Variants in SDK1 observed in about 807,000 individuals in gnomAD.
The protein encoded by SDK1 is protein sidekick-1.
A neutral mutation model predicts 245.5 loss-of-function variants in SDK1; 157 were observed. The observed-to-expected ratio is 0.64, with a 90% CI of 0.56 to 0.73. The LOEUF (loss-of-function observed/expected upper bound fraction) is 0.73. Among genes scored for constraint, SDK1 ranks in the 30% least tolerant of loss-of-function variants. The probability of loss-of-function intolerance (pLI) is 0.00; values close to 1 mark genes in which losing one functional copy is unlikely to be tolerated. For synonymous variants in SDK1, 1,647 were observed against 1,278.5 expected, an observed-to-expected ratio of 1.29 and a Z score of -6.15; for missense variants, 3,583 against 3,002.3, an observed-to-expected ratio of 1.19 and a Z score of -4.52.
rs148051748 is a variant in SDK1, at chr7:3,840,483, T to C, written c.847+18900T>C. On this transcript the variant is annotated intron_variant, in intron 5 of 44. Transcript: ENST00000404826. ...GAATTATCGGACTAAACTCACAGAG[T>C]GGTCCTTGGGCTAGTACTATCAGCA... 1.8e-4 allele frequency among the ~76,000 whole-genome samples: 28 copies of C among 152,184 alleles called. No homozygotes were observed. In the East Asian group the frequency reaches 5.2e-3, roughly 28 times the overall value.
chr7:3,658,401 C>G (rs1313913444), intron 4 of SDK1, among the ~76,000 whole-genome samples: 1 of 151,814 alleles, frequency 6.6e-6, no homozygotes, highest in African/African-American at 2.4e-5. Context: ...ATAAAAAGAT[C>G]AATACAATGA....
At chr7:3,442,537 T>C (rs992691017) in intron 1 of SDK1, among the ~76,000 whole-genome samples, 2 of 152,214 alleles carry the variant, frequency 1.3e-5, no homozygotes, top group Non-Finnish European at 2.9e-5. Flanking sequence ...AACAAGGTTG[T>C]ATTGTGGTTG....
At chr7:3,396,770 A>G (rs1404872488) in intron 1 of SDK1, among the ~76,000 whole-genome samples, 9 of 151,678 alleles carry the variant, frequency 5.9e-5, no homozygotes, top group Admixed American at 5.3e-4. Context: ...CAGACAGCAT[A>G]TGGTTGTCAA....
At chr7:3,723,563 T>C (rs947368401) in intron 4 of SDK1, among the ~76,000 whole-genome samples, 8 of 152,168 alleles carry the variant, frequency 5.3e-5, no homozygotes, top group Admixed American at 6.5e-5. Context: ...TTATGAACTT[T>C]CCATTATAAA....
chr7:4,136,750 C>A (rs1374793782), intron 28 of SDK1, among the ~76,000 whole-genome samples: 1 of 152,224 alleles, frequency 6.6e-6, no homozygotes, highest in Non-Finnish European at 1.5e-5. Flanking sequence ...CGCGGGATCC[C>A]GCCCTGCCAG....
chr7:3,452,090 G>A (rs1440728563), intron 1 of SDK1, among the ~76,000 whole-genome samples: 3 of 152,198 alleles, frequency 2.0e-5, no homozygotes, highest in Non-Finnish European at 4.4e-5. Flanking sequence ...AATTCTTTAA[G>A]GATTTCAAGG....
chr7:4,101,275 G>A (rs1782520874), intron 22 of SDK1, among the ~76,000 whole-genome samples: 1 of 151,694 alleles, frequency 6.6e-6, no homozygotes, highest in Non-Finnish European at 1.5e-5. Flanking sequence ...CTGAATAGCT[G>A]GGACTACAGG....
At chr7:4,159,414 T>G (rs746665288) in intron 31 of SDK1, among the ~76,000 whole-genome samples, 1 of 152,222 alleles carries the variant, frequency 6.6e-6, no homozygotes, top group South Asian at 2.1e-4. Flanking sequence ...GCTGTTTTGC[T>G]GCAAACCCTG....
chr7:3,768,208 A>G (rs1273963402), intron 4 of SDK1, among the ~76,000 whole-genome samples: 1 of 152,232 alleles, frequency 6.6e-6, no homozygotes, highest in African/African-American at 2.4e-5. Context: ...CGTTGAATAT[A>G]ATAGACTGCA....
chr7:3,434,473 G>A lies in SDK1; in HGVS notation c.298+132589G>A, dbSNP rs539450649. Among the ~76,000 whole-genome samples the A allele has an allele frequency of 3.9e-5, 6 of 152,284 alleles. No homozygotes were observed. In the South Asian group the frequency reaches 6.2e-4, roughly 16 times the overall value. ...GCCAACCACTTCTCTTGGAGAAGAC[G>A]GAGTGTCATAACTACAGCTAACATT... On this transcript the variant is annotated intron_variant, in intron 1 of 44. Coordinates refer to ENST00000404826, the MANE Select transcript of SDK1 (RefSeq NM_152744.4).
rs1388227250 is a variant in SDK1, at chr7:4,026,742, A to G, written c.2602+9390A>G. Among the ~76,000 whole-genome samples, 1 of 152,238 alleles carries G rather than the reference A, an allele frequency of 6.6e-6. No individual in the cohort carries two copies. The highest frequency in any genetic ancestry group is 1.5e-5 in the Non-Finnish European group (1 of 68,052). On this transcript the variant is annotated intron_variant, in intron 17 of 44. Transcript: ENST00000404826. This position sits in a 1 kb window ranked among gnomAD's most constrained non-coding sequence, Gnocchi z 4.1. Reference sequence around the variant, plus strand: ...TAATGCAGTGAGAACCTTCAGGTCTATCAAAACTGCAAGCACCATAACAAC... The same window carrying G: ...TAATGCAGTGAGAACCTTCAGGTCTGTCAAAACTGCAAGCACCATAACAAC...
chr7:4,218,937 CT>C (rs1328057983), intron 38 of SDK1, among the ~76,000 whole-genome samples: 2 of 151,776 alleles, frequency 1.3e-5, no homozygotes, highest in African/African-American at 4.8e-5. Context: ...AACCAAAGAA[CT>C]TGATTTTTCC....
intron 1 of SDK1, among the ~76,000 whole-genome samples, chr7:3,470,050 T>A (rs1781131849): frequency 6.6e-6 from 1 of 152,160 alleles, no homozygotes. Context: ...CATTTTTCCA[T>A]ATTTAACACT....
chr7:3,405,515 A>G (rs180755490), intron 1 of SDK1, among the ~76,000 whole-genome samples: 3 of 152,118 alleles, frequency 2.0e-5, no homozygotes, highest in Non-Finnish European at 2.9e-5. Context: ...AGCTCCCCCA[A>G]AATCTCTGCC....
At position 4,267,643 on chromosome 7, in the gene SDK1, A is replaced by C. The variant is rs1423400917; in HGVS notation, c.*2259A>C. ...TGCAGCCATGAGGATGTGGCTTTAC[A>C]TGCCAGGGAGAGTGTTGAGACGTCT... On this transcript the variant is annotated 3_prime_UTR_variant, in exon 45 of 45. Transcript: ENST00000404826. 2 of 985,374 alleles carry C rather than the reference A, an allele frequency of 2.0e-6. No individual in the cohort carries two copies. The highest frequency in any genetic ancestry group is 4.7e-5 in the South Asian group (1 of 21,294). The allele number at this position is 985,374 out of a possible 1,614,324, so 61.0% of individuals were successfully genotyped here. A position where few individuals can be genotyped will look rare whatever the true frequency, so the allele number is the denominator to read the frequency against.
chr7:3,557,826 G>C (rs1465719884), intron 1 of SDK1, among the ~76,000 whole-genome samples: 2 of 152,216 alleles, frequency 1.3e-5, no homozygotes, highest in East Asian at 3.9e-4. Context: ...TGACTCCAGA[G>C]ACCTTGTTCT....
intron 1 of SDK1, chr7:3,338,054 A>T: frequency 5.8e-6 from 1 of 173,250 alleles, no homozygotes; most frequent in Non-Finnish European, 1.2e-5. Context: ...CCGCGGAAAT[A>T]TTTAAGACAT....
chr7:3,335,170 C>T (rs960069457), intron 1 of SDK1, among the ~76,000 whole-genome samples: 1 of 152,170 alleles, frequency 6.6e-6, no homozygotes, highest in Non-Finnish European at 1.5e-5. Flanking sequence ...GCCAGAGTGA[C>T]ATAAACCTAA....
intron 40 of SDK1, among the ~76,000 whole-genome samples, chr7:4,230,976 C>T (rs916802520): frequency 1.3e-5 from 2 of 151,914 alleles, no homozygotes; most frequent in South Asian, 2.1e-4. Context: ...AAGAGTAGAC[C>T]GCATTTGTGG....
Sources: allele counts gnomAD v4.1 joint callset (sites outside exome capture counted in the v4.1 genomes callset), GRCh38; gene constraint gnomAD v4.1.1; non-coding constraint Gnocchi (gnomAD v3.1); transcripts MANE v1.5; gene names NCBI Gene and HGNC (gene_info 2026-07-23, HGNC 2026-07-21).